The following ITGA9 variants were observed in gnomAD, a reference collection of about 807,000 sequenced individuals.
ITGA9 encodes the protein integrin alpha-9.
In ITGA9, 56 loss-of-function variants were observed where a neutral mutation model predicts 127.8. The ratio of observed to expected loss-of-function variants is 0.44; its 90% CI spans 0.35 to 0.55. The LOEUF is 0.55. Among genes scored for constraint, ITGA9 ranks in the 20% least tolerant of loss-of-function variants. The probability of loss-of-function intolerance (pLI) is 0.00; values close to 1 mark genes in which losing one functional copy is unlikely to be tolerated. For missense variants in ITGA9, 1,196 were observed against 1,347.1 expected (o/e 0.89, Z 1.76); for synonymous variants, 508 against 514.5 (o/e 0.99, Z 0.17).
In ITGA9 at chr3:37,821,391, C is replaced by T. The variant is rs1404123120; in HGVS notation, c.*2402C>T. ...GGTGCTGGAGGTTCCCCAGAGAACA[C>T]TTCAGGGACATTTTGCCTCAGGGTG... is the stretch of plus-strand genomic sequence containing the variant. On this transcript the variant is annotated 3_prime_UTR_variant, in exon 28 of 28. Coordinates refer to ENST00000264741, the MANE Select transcript of ITGA9 (RefSeq NM_002207.3). The T allele has an allele frequency of 1.3e-5, 2 of 152,152 alleles. No individual in the cohort carries two copies. Among genetic ancestry groups the T allele is most frequent in the East Asian group, 1.9e-4 (1 of 5,180 alleles). 9.4% of individuals were successfully genotyped at this position (152,152 alleles called of 1,614,324 possible). A position where few individuals can be genotyped will look rare whatever the true frequency, so the allele number is the denominator to read the frequency against.
chr3:37,473,365 G>A lies in ITGA9; in HGVS notation c.325G>A (p.Gly109Ser). The A allele has an allele frequency of 1.2e-6, 2 of 1,613,952 alleles. No individual in the cohort carries two copies. The highest frequency in any genetic ancestry group is 1.3e-5 in the African/African-American group (1 of 74,996). Reference protein sequence around the residue: ...ELDMARGKNRGTSCGKTCRED... With the variant: ...ELDMARGKNRSTSCGKTCRED... ...TCCTCTTTCTCCAGGGAAGAATCGG[G>A]GCACGTCCTGCGGAAAGACCTGCCG... The change falls in exon 3 of 28, where the codon GGC becomes AGC. Residue 109 changes from glycine (G) to serine (S), a missense_variant. Gly to Ser is a moderately conservative substitution (Grantham distance 56, BLOSUM62 0). Coordinates refer to ENST00000264741, the MANE Select transcript of ITGA9 (RefSeq NM_002207.3).
intron 17 of ITGA9, among the ~76,000 whole-genome samples, chr3:37,662,656 G>A (rs898543632): frequency 2.6e-5 from 4 of 152,152 alleles, no homozygotes; most frequent in Non-Finnish European, 5.9e-5. Context: ...ATGTTGTGCT[G>A]ATTTCCACCA....
chr3:37,761,609 T>C (rs1696723832), intron 23 of ITGA9, among the ~76,000 whole-genome samples: 1 of 152,240 alleles, frequency 6.6e-6, no homozygotes, highest in Non-Finnish European at 1.5e-5. Context: ...ATCTTCATAA[T>C]AATTTCTTAA....
rs910743416 is a variant in ITGA9, at chr3:37,502,213, C to CTT, written c.613-945_613-944dup. ...AGCTGTGCCTCTTATGTTCTTGAGT[C>CTT]TTTTTTTTTTTTTTTTTTTTTGGCA... On this transcript the variant is annotated intron_variant, in intron 5 of 27. Coordinates refer to ENST00000264741, the MANE Select transcript of ITGA9 (RefSeq NM_002207.3). Among the ~76,000 whole-genome samples, 596 of 111,788 alleles carry CTT rather than the reference C, an allele frequency of 5.3e-3. 9 individuals are homozygous for CTT. Among genetic ancestry groups the CTT allele is most frequent in the Middle Eastern group, 0.01 (2 of 196 alleles). 73.3% of individuals were successfully genotyped at this position (111,788 alleles called of 152,430 possible).
chr3:37,634,036 C>CT (rs1315619719), intron 16 of ITGA9, among the ~76,000 whole-genome samples: 1 of 152,046 alleles, frequency 6.6e-6, no homozygotes, highest in Non-Finnish European at 1.5e-5. Context: ...CCAGTTATAA[C>CT]TATCAGATGT....
At position 37,634,314 on chromosome 3, in the gene ITGA9, TA is replaced by T. The variant is rs1340637995; in HGVS notation, c.1839+4991del. Among the ~76,000 whole-genome samples, 314 of 138,214 alleles carry T rather than the reference TA, an allele frequency of 2.3e-3. 2 individuals are homozygous for T. The highest frequency in any genetic ancestry group is 0.018 in the Middle Eastern group (5 of 278). 90.7% of individuals were successfully genotyped at this position (138,214 alleles called of 152,430 possible). A position where few individuals can be genotyped will look rare whatever the true frequency, so the allele number is the denominator to read the frequency against. Reference sequence around the variant, plus strand: ...AAGACATGGAGTGGTTAAATGGATTTAAAAAAAAAAAAACAAAAAACAAGAC... The same window carrying T: ...AAGACATGGAGTGGTTAAATGGATTTAAAAAAAAAAAACAAAAAACAAGAC... On this transcript the variant is annotated intron_variant, in intron 16 of 27. Coordinates refer to ENST00000264741, the MANE Select transcript of ITGA9 (RefSeq NM_002207.3).
At chr3:37,471,175 C>T (rs201415639) in intron 2 of ITGA9, 41 bp downstream of exon 2, 49 of 1,609,962 alleles carry the variant, frequency 3.0e-5, no homozygotes, top group Non-Finnish European at 3.5e-5. Context: ...GGGTTCTGTA[C>T]CCTTATACCT....
intron 25 of ITGA9, among the ~76,000 whole-genome samples, chr3:37,782,703 C>T (rs1476894584): frequency 6.6e-6 from 1 of 152,202 alleles, no homozygotes; most frequent in Admixed American, 6.5e-5. Context: ...TGTGGAGCAG[C>T]GCCAGCCTTG....
At chr3:37,758,469 A>C (rs1421069135) in intron 23 of ITGA9, among the ~76,000 whole-genome samples, 2 of 151,038 alleles carry the variant, frequency 1.3e-5, no homozygotes, top group East Asian at 1.9e-4. Context: ...ATTATATATT[A>C]TTATTAATAA....
At position 37,526,008 on chromosome 3, in the gene ITGA9, T is replaced by C. The variant is rs1559528222; in HGVS notation, c.1328-18T>C. 1 of 1,613,200 alleles carries C rather than the reference T, an allele frequency of 6.2e-7. No individual in the cohort carries two copies. On this transcript the variant is annotated intron_variant, in intron 12 of 27. Coordinates refer to ENST00000264741, the MANE Select transcript of ITGA9 (RefSeq NM_002207.3). ...GGCTTCAGCAAGTTTCTGAACGCTG[T>C]AAACTTCTCATTTTCAGATGTCACT...
intron 1 of ITGA9, among the ~76,000 whole-genome samples, chr3:37,464,564 C>T (rs1015633597): frequency 1.3e-5 from 2 of 152,178 alleles, no homozygotes; most frequent in African/African-American, 2.4e-5. Context: ...AAAACTGAGG[C>T]TTGGAGTGTT....
chr3:37,466,254 A>C (rs564452687), intron 1 of ITGA9, among the ~76,000 whole-genome samples: 157 of 152,176 alleles, frequency 1.0e-3, no homozygotes, highest in African/African-American at 3.7e-3. Flanking sequence ...AGGCTGAGGC[A>C]GGTGGATCAC....
chr3:37,711,992 G>T (rs1476327663), intron 18 of ITGA9, among the ~76,000 whole-genome samples: 1 of 152,164 alleles, frequency 6.6e-6, no homozygotes, highest in Non-Finnish European at 1.5e-5. Flanking sequence ...AGGAAGTTAG[G>T]TCAGTTCTGA....
At chr3:37,746,949 T>C (rs1696508518) in intron 22 of ITGA9, among the ~76,000 whole-genome samples, 2 of 152,216 alleles carry the variant, frequency 1.3e-5, no homozygotes, top group Admixed American at 6.5e-5. Flanking sequence ...TTTTGTTGGC[T>C]CTGCCCTTCT....
chr3:37,467,847 G>A (rs1002302799), intron 1 of ITGA9, among the ~76,000 whole-genome samples: 11 of 152,148 alleles, frequency 7.2e-5, no homozygotes, highest in African/African-American at 2.7e-4. Context: ...TTTAGACAGG[G>A]CAAACTGCTA....
chr3:37,750,871 C>T (rs1292384755), intron 23 of ITGA9, among the ~76,000 whole-genome samples: 1 of 152,276 alleles, frequency 6.6e-6, no homozygotes. Context: ...TTGCATGCGT[C>T]TGAATGCATT....
chr3:37,500,306 C>T (rs1272415731), intron 5 of ITGA9, among the ~76,000 whole-genome samples: 1 of 152,200 alleles, frequency 6.6e-6, no homozygotes, highest in East Asian at 1.9e-4. Flanking sequence ...TTTTATAAAA[C>T]AGTGAGATAC....
At chr3:37,674,304 G>A (rs901778684) in intron 17 of ITGA9, among the ~76,000 whole-genome samples, 4 of 152,230 alleles carry the variant, frequency 2.6e-5, no homozygotes, top group East Asian at 1.9e-4. Context: ...ACAGAGGTGA[G>A]CAGAGGCTGA....
chr3:37,554,102 T>G (rs557222375), intron 15 of ITGA9, among the ~76,000 whole-genome samples: 1 of 151,726 alleles, frequency 6.6e-6, no homozygotes, highest in East Asian at 1.9e-4. Context: ...TATATCCCAG[T>G]AGGGGGAGAC....
Sources: allele counts gnomAD v4.1 joint callset (sites outside exome capture counted in the v4.1 genomes callset), GRCh38; gene constraint gnomAD v4.1.1; transcripts MANE v1.5; gene names NCBI Gene and HGNC (gene_info 2026-07-23, HGNC 2026-07-21).